BBS9: variants seen among roughly 807,000 people sequenced by gnomAD.
BBS9 encodes Bardet-Biedl syndrome 9.
In BBS9, 89 loss-of-function variants were observed where a neutral mutation model predicts 117.7. The observed-to-expected ratio is 0.76, with a 90% CI of 0.64 to 0.90. BBS9 has a LOEUF of 0.90. Among genes scored for constraint, BBS9 ranks in the 40% least tolerant of loss-of-function variants. BBS9 has a pLI of 0.00. For synonymous variants in BBS9, 379 were observed against 370.9 expected, an observed-to-expected ratio of 1.02 and a Z score of -0.25; for missense variants, 982 against 1,042.2, an observed-to-expected ratio of 0.94 and a Z score of 0.80.
intron 21 of BBS9, among the ~76,000 whole-genome samples, chr7:33,594,382 C>T (rs188778599): frequency 1.8e-4 from 28 of 152,212 alleles, no homozygotes; most frequent in African/African-American, 6.5e-4. Context: ...GTGACCTTCA[C>T]CTGCCCCTCT....
At chr7:33,177,683 CA>C (rs1797531324) in intron 5 of BBS9, 92 bp downstream of exon 5, 1 of 932,462 alleles carries the variant, frequency 1.1e-6, no homozygotes, top group Admixed American at 1.8e-5. Context: ...GTTTGACTCT[CA>C]GAAAGAGTTA....
chr7:33,208,520 C>T (rs1025247107), intron 5 of BBS9, among the ~76,000 whole-genome samples: 7 of 152,154 alleles, frequency 4.6e-5, no homozygotes, highest in African/African-American at 7.2e-5. Context: ...GGGTCTGTGC[C>T]TTCCATAAGT....
intron 19 of BBS9, among the ~76,000 whole-genome samples, chr7:33,413,663 A>G (rs1259738638): frequency 6.6e-6 from 1 of 152,044 alleles, no homozygotes; most frequent in Non-Finnish European, 1.5e-5. Context: ...TAAAAAAAAA[A>G]CAGAATGTGG....
chr7:33,338,642 G>A (rs1239609657), intron 10 of BBS9, among the ~76,000 whole-genome samples: 1 of 152,144 alleles, frequency 6.6e-6, no homozygotes, highest in Non-Finnish European at 1.5e-5. Flanking sequence ...CTGATTTTAT[G>A]TGTGTAAGTT....
chr7:33,174,124 A>C (rs1314250669), intron 4 of BBS9, among the ~76,000 whole-genome samples: 1 of 152,192 alleles, frequency 6.6e-6, no homozygotes, highest in Admixed American at 6.5e-5. Flanking sequence ...TTCTGTTGTG[A>C]CTTCCAAACC....
intron 21 of BBS9, among the ~76,000 whole-genome samples, chr7:33,562,817 G>A (rs796679765): frequency 2.6e-5 from 4 of 152,146 alleles, no homozygotes; most frequent in African/African-American, 9.6e-5. Context: ...CCAGCTACTC[G>A]GGAAGCTGAG....
chr7:33,283,448 A>G (rs1241638004), intron 9 of BBS9, among the ~76,000 whole-genome samples: 1 of 151,830 alleles, frequency 6.6e-6, no homozygotes. Context: ...GATTTTTTTC[A>G]TGTCGCTTAT....
Position 33,408,839 on chromosome 7 carries a change from T to C in BBS9, c.2115+20695T>C, listed in dbSNP as rs563324108. The stretch of plus-strand genomic sequence containing the variant: ...TTACATTTCCCCAGTAGTGGAAGTG[T>C]TCCCTTTTCTCTGCAGTCTCACAAG... On this transcript the variant is annotated intron_variant, in intron 19 of 22. Transcript: ENST00000242067. Among the ~76,000 whole-genome samples, 4 of 152,316 alleles carry C rather than the reference T, an allele frequency of 2.6e-5. No individual in the cohort carries two copies. The South Asian group carries it at 8.3e-4, about 32-fold the overall frequency.
intron 21 of BBS9, among the ~76,000 whole-genome samples, chr7:33,559,383 T>C (rs2129108324): frequency 6.6e-6 from 1 of 152,248 alleles, no homozygotes; most frequent in East Asian, 1.9e-4. Context: ...AAGAATGGAG[T>C]TAGCCAACGA....
intron 19 of BBS9, among the ~76,000 whole-genome samples, chr7:33,397,629 A>G (rs770158067): frequency 6.6e-6 from 1 of 152,212 alleles, no homozygotes; most frequent in Admixed American, 6.5e-5. Context: ...ATGGAATACT[A>G]TGCAGCTGTA....
intron 17 of BBS9, among the ~76,000 whole-genome samples, chr7:33,370,340 C>A (rs985482512): frequency 2.0e-5 from 3 of 151,370 alleles, no homozygotes; most frequent in African/African-American, 7.3e-5. Flanking sequence ...TGTGGTGGCA[C>A]ATGAATGTAG....
intron 19 of BBS9, among the ~76,000 whole-genome samples, chr7:33,468,240 C>G (rs1894810): frequency 0.76 from 115,810 of 152,038 alleles, 44,671 homozygotes; most frequent in African/African-American, 0.88. Flanking sequence ...TGAGTCAAAT[C>G]AAGTTGTCTC....
intron 19 of BBS9, among the ~76,000 whole-genome samples, chr7:33,410,553 G>A (rs1358687995): frequency 6.6e-6 from 1 of 152,138 alleles, no homozygotes; most frequent in East Asian, 1.9e-4. Flanking sequence ...GAGACTCTCA[G>A]CTATGTCTCC....
At chr7:33,489,813 A>G (rs777006859) in intron 19 of BBS9, among the ~76,000 whole-genome samples, 6 of 152,186 alleles carry the variant, frequency 3.9e-5, no homozygotes, top group Non-Finnish European at 7.4e-5. Flanking sequence ...GAACGCTTCC[A>G]CTATGAAGAT....
intron 4 of BBS9, among the ~76,000 whole-genome samples, chr7:33,163,473 G>T (rs906395804): frequency 6.6e-6 from 1 of 152,006 alleles, no homozygotes; most frequent in Non-Finnish European, 1.5e-5. Flanking sequence ...ACTTTTTTTG[G>T]TTGGTATGCT....
At chr7:33,406,441 G>C (rs1374399241) in intron 19 of BBS9, among the ~76,000 whole-genome samples, 1 of 152,010 alleles carries the variant, frequency 6.6e-6, no homozygotes, top group African/African-American at 2.4e-5. Flanking sequence ...TACATTTAAA[G>C]TTAATAGTGT....
chr7:33,419,505 A>G (rs998507717), intron 19 of BBS9, among the ~76,000 whole-genome samples: 2 of 152,160 alleles, frequency 1.3e-5, no homozygotes, highest in Non-Finnish European at 2.9e-5. Context: ...GTCACCTTAT[A>G]TAAATATGCT....
At chr7:33,455,489 C>T (rs779903381) in intron 19 of BBS9, among the ~76,000 whole-genome samples, 1 of 152,072 alleles carries the variant, frequency 6.6e-6, no homozygotes, top group African/African-American at 2.4e-5. Context: ...ACAAGTTATC[C>T]CTTCTTCTTT....
chr7:33,323,052 C>T (rs1812064299), intron 9 of BBS9, among the ~76,000 whole-genome samples: 5 of 151,932 alleles, frequency 3.3e-5, no homozygotes, highest in Admixed American at 2.0e-4. Flanking sequence ...TCCAAAATTC[C>T]TCTTGTTATT....
Sources: allele counts gnomAD v4.1 joint callset (sites outside exome capture counted in the v4.1 genomes callset), GRCh38; gene constraint gnomAD v4.1.1; transcripts MANE v1.5; gene names NCBI Gene and HGNC (gene_info 2026-07-23, HGNC 2026-07-21).